PCDHGB3: variants seen among roughly 807,000 people sequenced by gnomAD.
The protein encoded by PCDHGB3 is protocadherin gamma subfamily B, 3, also known as protocadherin gamma-B3.
In PCDHGB3, 40 loss-of-function variants were observed where a neutral mutation model predicts 59.2. The observed-to-expected ratio is 0.68, with a 90% CI of 0.52 to 0.88. The LOEUF (loss-of-function observed/expected upper bound fraction) is 0.88, where lower values mean the gene tolerates loss of function less well. PCDHGB3 is among the 40% of genes least tolerant of loss of function. The pLI, the probability that PCDHGB3 is intolerant of heterozygous loss-of-function variation, is 0.00. For synonymous variants in PCDHGB3, 581 were observed against 503.6 expected, an observed-to-expected ratio of 1.15 and a Z score of -2.06; for missense variants, 1,309 against 1,187.9, an observed-to-expected ratio of 1.10 and a Z score of -1.50.
chr5:141,397,287 G>A (rs2093504712), intron 1 of PCDHGB3, among the ~76,000 whole-genome samples: 1 of 152,134 alleles, frequency 6.6e-6, no homozygotes, highest in Admixed American at 6.5e-5. Flanking sequence ...CAGTATACTT[G>A]AATGAATATT....
chr5:141,500,277 C>T (rs1595660442), intron 2 of PCDHGB3, among the ~76,000 whole-genome samples: 1 of 151,718 alleles, frequency 6.6e-6, no homozygotes, highest in Non-Finnish European at 1.5e-5. Context: ...GGCGCAATCT[C>T]GGCTCACTGC....
chr5:141,383,987 G>A (rs773186043), intron 1 of PCDHGB3: 70 of 1,613,612 alleles, frequency 4.3e-5, no homozygotes, highest in Admixed American at 3.3e-5. Context: ...ACACCTCTTG[G>A]GACAGTCATT....
intron 1 of PCDHGB3, chr5:141,375,277 T>G: frequency 1.9e-6 from 3 of 1,613,826 alleles, no homozygotes; most frequent in Non-Finnish European, 2.5e-6. Context: ...AAAAATCAGT[T>G]GGCAATTATT....
In PCDHGB3 at chr5:141,371,832, G is replaced by T. The variant is rs765040359; in HGVS notation, c.1438G>T (p.Asp480Tyr). The change falls in exon 1 of 4, where the codon GAC (aspartate) becomes TAC (tyrosine). Residue 480 changes from aspartate (D) to tyrosine (Y), a missense_variant. Physicochemically the swap from Asp to Tyr is radical, Grantham distance 160. Coordinates refer to ENST00000576222, the MANE Select transcript of PCDHGB3 (RefSeq NM_018924.5). ...SIAHVRASDP[D>Y]LGPNGLVSYY... ...TGCGCATGTCAGAGCCTCGGATCCC[G>T]ACTTGGGACCTAATGGCCTTGTCTC... 6.2e-7 allele frequency: 1 copy of T among 1,613,780 alleles called. No individual in the cohort carries two copies.
rs61612330 is a variant in PCDHGB3, at chr5:141,454,796, A to ATTTTTTTTTTTT, written c.2416-39993_2416-39982dup. Among the ~76,000 whole-genome samples, 573 of 77,460 alleles carry ATTTTTTTTTTTT rather than the reference A, an allele frequency of 7.4e-3. 68 individuals carry two copies. Among genetic ancestry groups the ATTTTTTTTTTTT allele is most frequent in the Non-Finnish European group, 9.0e-3 (384 of 42,814 alleles). The allele number at this position is 77,460 out of a possible 152,430, so 50.8% of individuals were successfully genotyped here. A position where few individuals can be genotyped will look rare whatever the true frequency, so the allele number is the denominator to read the frequency against. On this transcript the variant is annotated intron_variant, in intron 1 of 3. Coordinates refer to ENST00000576222, the MANE Select transcript of PCDHGB3 (RefSeq NM_018924.5). ...AAGGAAATAATCCTCCATGGTTCTA[A>ATTTTTTTTTTTT]TTTTTTTTTTTTTTTTTTTTTTTTT...
chr5:141,453,201 C>T (rs115660512), intron 1 of PCDHGB3, among the ~76,000 whole-genome samples: 2,052 of 152,204 alleles, frequency 0.013, 46 homozygotes, highest in African/African-American at 0.048. Flanking sequence ...GCAGCCTCAA[C>T]CTCGTGCACT....
chr5:141,436,240 G>A (rs192988618), intron 1 of PCDHGB3, among the ~76,000 whole-genome samples: 2 of 152,200 alleles, frequency 1.3e-5, no homozygotes, highest in East Asian at 3.9e-4. Flanking sequence ...AGCTAACATG[G>A]TCTAATTATT....
intron 3 of PCDHGB3, among the ~76,000 whole-genome samples, 193 bp downstream of exon 3, chr5:141,505,674 G>C (rs1482125302): frequency 6.6e-6 from 1 of 152,192 alleles, no homozygotes; most frequent in East Asian, 1.9e-4. Context: ...GGGGTTGGGG[G>C]TCCTGGGATG....
At chr5:141,394,399 A>C in intron 1 of PCDHGB3, 3 of 1,614,206 alleles carry the variant, frequency 1.9e-6, no homozygotes, top group Non-Finnish European at 2.5e-6. Context: ...CGAGACCTGC[A>C]GCTACTGGTA....
At chr5:141,482,235 T>C (rs2099554999) in intron 1 of PCDHGB3, among the ~76,000 whole-genome samples, 1 of 152,174 alleles carries the variant, frequency 6.6e-6, no homozygotes, top group Non-Finnish European at 1.5e-5. Context: ...AAATTGCCAA[T>C]ATAAGTATAG....
chr5:141,395,317 A>G, intron 1 of PCDHGB3: 1 of 1,488,840 alleles, frequency 6.7e-7, no homozygotes, highest in Non-Finnish European at 9.0e-7. Flanking sequence ...AACATTGTGA[A>G]GATAGTTGAA....
intron 1 of PCDHGB3, among the ~76,000 whole-genome samples, chr5:141,469,436 G>T (rs556417221): frequency 6.6e-6 from 1 of 152,002 alleles, no homozygotes; most frequent in Non-Finnish European, 1.5e-5. Flanking sequence ...TTAGCTGGGC[G>T]TGGTGGTGCA....
Position 141,494,803 on chromosome 5 carries a change from A to G in PCDHGB3, c.2416-4A>G. On this transcript the variant is annotated splice_polypyrimidine_tract_variant and splice_region_variant and intron_variant, in intron 1 of 3. Transcript: ENST00000576222. ...CAGCCCCTTTCCCTCTGTTTTCTCC[A>G]CAGCAAGCCCCGCCCAACACGGACT... The G allele has an allele frequency of 6.2e-7, 1 of 1,613,646 alleles. No individual in the cohort carries two copies. Among genetic ancestry groups the G allele is most frequent in the Non-Finnish European group, 8.5e-7 (1 of 1,179,900 alleles).
At chr5:141,395,423 C>A in intron 1 of PCDHGB3, 1 of 731,386 alleles carries the variant, frequency 1.4e-6, no homozygotes, top group Non-Finnish European at 2.1e-6. Context: ...GTTTCATTTG[C>A]TTTTAAACGA....
rs140933475 is a variant in PCDHGB3 at position 141,477,405 on chromosome 5, G to A, written c.2416-17402G>A. The A allele has an allele frequency of 3.8e-4, 608 of 1,614,076 alleles. No individual in the cohort carries two copies. The highest frequency in any genetic ancestry group is 4.6e-4 in the Non-Finnish European group (540 of 1,180,022). On this transcript the variant is annotated intron_variant, in intron 1 of 3. Transcript: ENST00000576222. This position sits in a 1 kb window ranked among gnomAD's most constrained non-coding sequence, Gnocchi z 4.9. ...GAATACAACCTCAGCATCACCGCCC[G>A]AGACGCCGGAACCCCTTCCCTCTCA...
At chr5:141,434,535 A>G (rs939961995) in intron 1 of PCDHGB3, among the ~76,000 whole-genome samples, 1 of 152,230 alleles carries the variant, frequency 6.6e-6, no homozygotes, top group African/African-American at 2.4e-5. Flanking sequence ...ACCACAAACA[A>G]TAGCATGAGT....
chr5:141,479,731 G>C (rs1176632022), intron 1 of PCDHGB3: 1 of 152,216 alleles, frequency 6.6e-6, no homozygotes, highest in East Asian at 1.9e-4. Context: ...TTTTTCTTAA[G>C]TATATGCACA....
Position 141,485,183 on chromosome 5 carries a change from A to C in PCDHGB3, c.2416-9624A>C, listed in dbSNP as rs777796801. On this transcript the variant is annotated intron_variant, in intron 1 of 3. Transcript: ENST00000576222. This position sits in a 1 kb window ranked among gnomAD's most constrained non-coding sequence, Gnocchi z 5.7. ...TTAGCGGGCGGCAGCAATGCTCCGC[A>C]AGGTGAGAAGCTGGACAGAAATCTG... 1.9e-6 allele frequency: 3 copies of C among 1,613,248 alleles called. No individual in the cohort carries two copies. The highest frequency in any genetic ancestry group is 3.3e-5 in the Admixed American group (2 of 60,006).
chr5:141,469,747 C>T (rs1392088794), intron 1 of PCDHGB3, among the ~76,000 whole-genome samples: 1 of 152,134 alleles, frequency 6.6e-6, no homozygotes, highest in Non-Finnish European at 1.5e-5. Context: ...TCAAAAATTA[C>T]AAAAATACAT....
Sources: gnomAD v4.1 joint callset for allele counts (sites outside exome capture counted in the v4.1 genomes callset) on GRCh38, gnomAD v4.1.1 for gene constraint, Gnocchi (gnomAD v3.1) non-coding constraint, MANE v1.5 for transcripts, NCBI Gene and HGNC (gene_info 2026-07-23, HGNC 2026-07-21) for gene names.